The following AGBL4 variants were observed in gnomAD, a reference collection of about 807,000 sequenced individuals.
AGBL4 encodes the protein AGBL carboxypeptidase 4.
In AGBL4, 58 loss-of-function variants were observed where a neutral mutation model predicts 66.4. The ratio of observed to expected loss-of-function variants is 0.87; its 90% CI spans 0.71 to 1.09. The LOEUF (loss-of-function observed/expected upper bound fraction) is 1.09, where lower values mean the gene tolerates loss of function less well. AGBL4 is among the 50% of genes least tolerant of loss of function. The pLI, the probability that AGBL4 is intolerant of heterozygous loss-of-function variation, is 0.00. For missense variants in AGBL4, 579 were observed against 631.0 expected (o/e 0.92, Z 0.88); for synonymous variants, 234 against 222.9 (o/e 1.05, Z -0.44).
chr1:49,948,173 T>C (rs1309822028), intron 1 of AGBL4, among the ~76,000 whole-genome samples: 1 of 100,264 alleles, frequency 1.0e-5, no homozygotes, highest in Non-Finnish European at 1.7e-5. Context: ...TATATAAATA[T>C]ATATAACTAT....
At chr1:48,878,603 A>T (rs1178817476) in intron 5 of AGBL4, among the ~76,000 whole-genome samples, 1 of 152,072 alleles carries the variant, frequency 6.6e-6, no homozygotes, top group Non-Finnish European at 1.5e-5. Flanking sequence ...CACAGACATT[A>T]TCACTGTATA....
intron 3 of AGBL4, among the ~76,000 whole-genome samples, chr1:49,603,545 A>AATAAATAT (rs1303841153): frequency 2.8e-4 from 42 of 150,328 alleles, no homozygotes; most frequent in African/African-American, 9.0e-4. Context: ...TAAATAAATA[A>AATAAATAT]ATAAATAAAT....
intron 4 of AGBL4, among the ~76,000 whole-genome samples, chr1:49,161,507 A>C (rs1055724561): frequency 6.6e-6 from 1 of 152,236 alleles, no homozygotes; most frequent in African/African-American, 2.4e-5. Flanking sequence ...CCATCTTGCC[A>C]GCAATCTCCC....
chr1:48,589,150 C>T (rs1465116468), intron 10 of AGBL4, among the ~76,000 whole-genome samples: 1 of 152,166 alleles, frequency 6.6e-6, no homozygotes, highest in African/African-American at 2.4e-5. Flanking sequence ...GCTGTTTCTG[C>T]CCCACAGCTG....
chr1:49,898,174 T>C (rs547140664), intron 1 of AGBL4, among the ~76,000 whole-genome samples: 1 of 152,004 alleles, frequency 6.6e-6, no homozygotes, highest in South Asian at 2.1e-4. Context: ...AGTGAAGAGA[T>C]AACCCACTAA....
intron 1 of AGBL4, among the ~76,000 whole-genome samples, chr1:49,893,828 T>C (rs994334317): frequency 1.3e-5 from 2 of 152,212 alleles, no homozygotes; most frequent in African/African-American, 4.8e-5. Flanking sequence ...CAAGCTGGGC[T>C]GGTTTCACAA....
intron 3 of AGBL4, among the ~76,000 whole-genome samples, chr1:49,458,039 G>T (rs1012322370): frequency 6.6e-6 from 1 of 150,714 alleles, no homozygotes; most frequent in Non-Finnish European, 1.5e-5. Context: ...TTTTTGGCTC[G>T]TTTTTGGCTC....
chr1:49,729,565 A>G (rs1649278043), intron 2 of AGBL4, among the ~76,000 whole-genome samples: 1 of 152,140 alleles, frequency 6.6e-6, no homozygotes, highest in Non-Finnish European at 1.5e-5. Flanking sequence ...AAAATCCTCA[A>G]TTATTTTCTT....
intron 1 of AGBL4, among the ~76,000 whole-genome samples, chr1:49,942,228 G>A (rs778404895): frequency 6.6e-6 from 1 of 151,892 alleles, no homozygotes; most frequent in African/African-American, 2.4e-5. Flanking sequence ...TCGATAGACC[G>A]GGAAAATTAA....
chr1:48,629,503 A>T (rs937142296), intron 9 of AGBL4, among the ~76,000 whole-genome samples: 1 of 152,192 alleles, frequency 6.6e-6, no homozygotes, highest in African/African-American at 2.4e-5. Context: ...TACCACCACT[A>T]AAGATATCAA....
chr1:48,770,232 C>T (rs528418188), intron 6 of AGBL4, among the ~76,000 whole-genome samples: 2 of 152,350 alleles, frequency 1.3e-5, no homozygotes, highest in South Asian at 2.1e-4. Flanking sequence ...CCATTCAAAT[C>T]TTTTCTTTTC....
At chr1:49,921,037 C>A (rs1366521120) in intron 1 of AGBL4, among the ~76,000 whole-genome samples, 1 of 152,018 alleles carries the variant, frequency 6.6e-6, no homozygotes, top group African/African-American at 2.4e-5. Flanking sequence ...GGGAACTGAA[C>A]AATGAGAACA....
chr1:48,742,528 T>A, intron 6 of AGBL4: 2 of 1,275,428 alleles, frequency 1.6e-6, no homozygotes, highest in Non-Finnish European at 2.0e-6. Flanking sequence ...GGCCAACCAG[T>A]CAAGCTGCGA....
intron 3 of AGBL4, among the ~76,000 whole-genome samples, chr1:49,397,384 G>A (rs1644995257): frequency 6.6e-6 from 1 of 152,156 alleles, no homozygotes; most frequent in African/African-American, 2.4e-5. Flanking sequence ...ATCTTTAGGT[G>A]GTGTGGGTGA....
chr1:49,273,005 T>C lies in AGBL4; in HGVS notation c.283-27141A>G, dbSNP rs144841698. Among the ~76,000 whole-genome samples, 1,223 of 152,328 alleles carry C rather than the reference T, an allele frequency of 8.0e-3. 9 individuals carry two copies. Among genetic ancestry groups the C allele is most frequent in the Middle Eastern group, 0.031 (9 of 294 alleles). Reference sequence around the variant, plus strand: ...CTACTAGATGTTTTAAAGTTATAAATGTATTACTTCCATAATATTTTCAAA... The same window carrying C: ...CTACTAGATGTTTTAAAGTTATAAACGTATTACTTCCATAATATTTTCAAA... On this transcript the variant is annotated intron_variant, in intron 3 of 13. Coordinates refer to ENST00000371839, the MANE Select transcript of AGBL4 (RefSeq NM_032785.4).
chr1:48,849,288 T>C (rs1160195403), intron 6 of AGBL4, among the ~76,000 whole-genome samples: 1 of 152,232 alleles, frequency 6.6e-6, no homozygotes, highest in Non-Finnish European at 1.5e-5. Flanking sequence ...CCTAAAGCAC[T>C]GGTACAAGCA....
At chr1:49,861,997 C>G (rs955642643) in intron 1 of AGBL4, among the ~76,000 whole-genome samples, 2 of 152,142 alleles carry the variant, frequency 1.3e-5, no homozygotes, top group African/African-American at 2.4e-5. Context: ...AAAACATCTA[C>G]TAGCATCAAA....
At chr1:49,978,109 G>C (rs1658730890) in intron 1 of AGBL4, among the ~76,000 whole-genome samples, 1 of 152,082 alleles carries the variant, frequency 6.6e-6, no homozygotes, top group Non-Finnish European at 1.5e-5. Flanking sequence ...AATTTCTTTT[G>C]GAACTTTGAT....
intron 3 of AGBL4, among the ~76,000 whole-genome samples, chr1:49,466,682 T>C (rs1646638197): frequency 6.6e-6 from 1 of 151,796 alleles, no homozygotes; most frequent in Admixed American, 6.6e-5. Flanking sequence ...CACTAGGGGC[T>C]CCTTCTTACT....
Sources: gnomAD v4.1 joint callset for allele counts (sites outside exome capture counted in the v4.1 genomes callset) on GRCh38, gnomAD v4.1.1 for gene constraint, MANE v1.5 for transcripts, NCBI Gene and HGNC (gene_info 2026-07-23, HGNC 2026-07-21) for gene names.